The following VPS13B variants were observed in gnomAD, a reference collection of about 807,000 sequenced individuals.
VPS13B encodes the protein intermembrane lipid transfer protein VPS13B.
Under a neutral mutation model 426.4 loss-of-function variants are expected in VPS13B, and 285 were observed. The ratio of observed to expected loss-of-function variants is 0.67; its 90% CI spans 0.61 to 0.74. The LOEUF (loss-of-function observed/expected upper bound fraction) is 0.74. Among genes scored for constraint, VPS13B ranks in the 30% least tolerant of loss-of-function variants. The pLI is 0.00. For missense variants in VPS13B, 4,537 were observed against 4,782.6 expected, an observed-to-expected ratio of 0.95 and a Z score of 1.51; for synonymous variants, 1,676 against 1,676.4, an observed-to-expected ratio of 1.00 and a Z score of 0.01.
intron 19 of VPS13B, among the ~76,000 whole-genome samples, chr8:99,358,259 A>T (rs147795127): frequency 6.6e-6 from 1 of 152,316 alleles, no homozygotes; most frequent in East Asian, 1.9e-4. Context: ...TTACATTCAG[A>T]AGATGAGAAC....
At chr8:99,423,037 A>C (rs1816461819) in intron 21 of VPS13B, among the ~76,000 whole-genome samples, 1 of 152,154 alleles carries the variant, frequency 6.6e-6, no homozygotes, top group African/African-American at 2.4e-5. Flanking sequence ...TCTTTATTGC[A>C]AATATTTCCA....
At chr8:99,048,278 A>G (rs1026780869) in intron 3 of VPS13B, among the ~76,000 whole-genome samples, 3 of 152,152 alleles carry the variant, frequency 2.0e-5, no homozygotes, top group African/African-American at 4.8e-5. Context: ...CATATGGACT[A>G]TCTTGGAGAA....
In VPS13B at chr8:99,788,123, G is replaced by A. The variant is rs561154930; in HGVS notation, c.7941+3647G>A. Among the ~76,000 whole-genome samples, 198 of 152,154 alleles carry A rather than the reference G, an allele frequency of 1.3e-3. No homozygotes were observed. The Middle Eastern group carries it at 0.02, about 16-fold the overall frequency. ...TGAAATCCTAACACTTTGGGAGGCT[G>A]AGGCAGGAGGATTACTTGAGGCCAG... On this transcript the variant is annotated intron_variant, in intron 43 of 61. Coordinates refer to ENST00000357162, the MANE Select transcript of VPS13B (RefSeq NM_152564.5).
At chr8:99,551,197 A>AGACAAAATAAGAC (rs1824263521) in intron 30 of VPS13B, among the ~76,000 whole-genome samples, 2 of 152,064 alleles carry the variant, frequency 1.3e-5, no homozygotes, top group African/African-American at 4.8e-5. Flanking sequence ...TTTTACAAAT[A>AGACAAAATAAGAC]AATTTAGAAT....
At chr8:99,743,927 T>C (rs542954920) in intron 39 of VPS13B, among the ~76,000 whole-genome samples, 10 of 152,300 alleles carry the variant, frequency 6.6e-5, no homozygotes, top group Non-Finnish European at 1.2e-4. Context: ...AAGGACTTCA[T>C]GTCTAAAACA....
intron 56 of VPS13B, among the ~76,000 whole-genome samples, chr8:99,858,572 C>T (rs1816673420): frequency 6.6e-6 from 1 of 152,138 alleles, no homozygotes; most frequent in Non-Finnish European, 1.5e-5. Context: ...GTAATCTCAG[C>T]TGCTTGGGAG....
intron 21 of VPS13B, among the ~76,000 whole-genome samples, chr8:99,410,888 T>A (rs1815614138): frequency 1.3e-5 from 2 of 152,292 alleles, no homozygotes; most frequent in South Asian, 4.1e-4. Context: ...GCAAAGGACA[T>A]AAACTCATCC....
At chr8:99,706,312 T>G (rs1301856639) in intron 36 of VPS13B, among the ~76,000 whole-genome samples, 1 of 152,176 alleles carries the variant, frequency 6.6e-6, no homozygotes, top group Non-Finnish European at 1.5e-5. Flanking sequence ...AGACATTTAT[T>G]AATGACGAGT....
At chr8:99,361,835 G>T (rs1335249476) in intron 19 of VPS13B, among the ~76,000 whole-genome samples, 1 of 152,158 alleles carries the variant, frequency 6.6e-6, no homozygotes, top group Non-Finnish European at 1.5e-5. Flanking sequence ...TAATGATGGA[G>T]TAGCTATTAC....
chr8:99,419,496 C>T (rs367638434), intron 21 of VPS13B, among the ~76,000 whole-genome samples: 4 of 152,112 alleles, frequency 2.6e-5, no homozygotes, highest in Non-Finnish European at 5.9e-5. Context: ...CCATTATGAT[C>T]TATGATCTGA....
chr8:99,839,725 G>GA (rs1434843224), intron 54 of VPS13B, among the ~76,000 whole-genome samples: 3 of 152,218 alleles, frequency 2.0e-5, no homozygotes, highest in Non-Finnish European at 4.4e-5. Context: ...GCACAGGTTA[G>GA]AAGAGATTTT....
intron 2 of VPS13B, among the ~76,000 whole-genome samples, chr8:99,029,516 A>G (rs1400713406): frequency 1.3e-5 from 2 of 152,154 alleles, no homozygotes; most frequent in African/African-American, 2.4e-5. Flanking sequence ...CTCCGTCTGC[A>G]ATCCCGGCAC....
intron 19 of VPS13B, among the ~76,000 whole-genome samples, chr8:99,373,657 A>G (rs756435634): frequency 2.6e-5 from 4 of 152,300 alleles, no homozygotes; most frequent in South Asian, 2.1e-4. Context: ...CAGTAGTTCA[A>G]CACCAGCCTG....
intron 24 of VPS13B, among the ~76,000 whole-genome samples, chr8:99,479,328 C>T (rs1389383698): frequency 1.3e-5 from 2 of 152,054 alleles, no homozygotes; most frequent in Admixed American, 6.6e-5. Context: ...ATTTTTTAAA[C>T]ATAATGTTAC....
intron 45 of VPS13B, 72 bp from the exon 46 acceptor site, chr8:99,818,379 A>G: frequency 1.4e-6 from 2 of 1,395,584 alleles, no homozygotes; most frequent in Middle Eastern, 1.8e-4. Flanking sequence ...AAACTGATGT[A>G]TCTGTGCCTT....
intron 3 of VPS13B, among the ~76,000 whole-genome samples, chr8:99,068,460 G>GT (rs1844664877): frequency 6.6e-6 from 1 of 152,142 alleles, no homozygotes; most frequent in African/African-American, 2.4e-5. Flanking sequence ...GTAAATACAA[G>GT]TTTTTTGGAA....
intron 40 of VPS13B, among the ~76,000 whole-genome samples, chr8:99,767,255 G>T (rs1449735921): frequency 6.6e-6 from 1 of 151,698 alleles, no homozygotes; most frequent in African/African-American, 2.4e-5. Context: ...TAAACAAAAA[G>T]TCTAGTCATC....
At chr8:99,116,292 A>G (rs1847650984) in intron 7 of VPS13B, among the ~76,000 whole-genome samples, 1 of 151,880 alleles carries the variant, frequency 6.6e-6, no homozygotes, top group African/African-American at 2.4e-5. Context: ...TCAGCCTCCC[A>G]AAGTGCTGGG....
chr8:99,402,966 C>T (rs1329912582), intron 21 of VPS13B, among the ~76,000 whole-genome samples: 1 of 152,166 alleles, frequency 6.6e-6, no homozygotes, highest in African/African-American at 2.4e-5. Flanking sequence ...ATAAACATTC[C>T]TAAATTAAAT....
Sources: allele counts gnomAD v4.1 joint callset (sites outside exome capture counted in the v4.1 genomes callset), GRCh38; gene constraint gnomAD v4.1.1; transcripts MANE v1.5; gene names NCBI Gene and HGNC (gene_info 2026-07-23, HGNC 2026-07-21).